IQSEC1: variants seen among roughly 807,000 people sequenced by gnomAD.
IQSEC1 encodes IQ motif and SEC7 domain-containing protein 1.
Under a neutral mutation model 91.0 loss-of-function variants are expected in IQSEC1, and 31 were observed. The observed-to-expected ratio is 0.34, with a 90% confidence interval of 0.26 to 0.46. The LOEUF (loss-of-function observed/expected upper bound fraction) is 0.46. Ranked by LOEUF, IQSEC1 falls within the 20% of genes least tolerant of loss-of-function variation. The pLI, the probability that IQSEC1 is intolerant of heterozygous loss-of-function variation, is 1.00. For synonymous variants in IQSEC1, 699 were observed against 662.6 expected (o/e 1.05, Z -0.84); for missense variants, 1,388 against 1,575.6 (o/e 0.88, Z 2.02).
intron 1 of IQSEC1, among the ~76,000 whole-genome samples, chr3:12,971,028 C>T (rs1700865915): frequency 6.6e-6 from 1 of 152,220 alleles, no homozygotes; most frequent in African/African-American, 2.4e-5. Context: ...TTTATTGGAA[C>T]AGAGCCACGC....
chr3:13,053,945 T>C (rs1704786421), intron 1 of IQSEC1, among the ~76,000 whole-genome samples: 1 of 152,256 alleles, frequency 6.6e-6, no homozygotes, highest in African/African-American at 2.4e-5. Context: ...GGAGACTTTC[T>C]GGCTGTGCCT....
intron 5 of IQSEC1, 102 bp from the exon 6 acceptor site, chr3:12,920,698 G>T: frequency 8.0e-7 from 1 of 1,253,248 alleles, no homozygotes; most frequent in Non-Finnish European, 1.1e-6. Context: ...CTCAGCTCCT[G>T]CTTCTGGTGA....
intron 1 of IQSEC1, among the ~76,000 whole-genome samples, chr3:12,943,934 C>CGGGGTCA (rs1262309181): frequency 6.6e-6 from 1 of 152,192 alleles, no homozygotes; most frequent in Non-Finnish European, 1.5e-5. Context: ...CTCTGGCCTC[C>CGGGGTCA]GGGGTCAGGC....
At chr3:13,083,138 C>T (rs1705675086) in intron 2 of IQSEC1, among the ~76,000 whole-genome samples, 1 of 152,226 alleles carries the variant, frequency 6.6e-6, no homozygotes, top group African/African-American at 2.4e-5. Flanking sequence ...TGCTTTATCC[C>T]CTGTGCCTGA....
intron 1 of IQSEC1, among the ~76,000 whole-genome samples, chr3:13,184,299 G>C (rs571524759): frequency 6.6e-6 from 1 of 152,270 alleles, no homozygotes; most frequent in South Asian, 2.1e-4. Flanking sequence ...AATGAAGCTG[G>C]TCAGCATTGG....
chr3:13,052,924 C>G, intron 1 of IQSEC1: 1 of 898,302 alleles, frequency 1.1e-6, no homozygotes, highest in Non-Finnish European at 1.8e-6. Flanking sequence ...TGATTGTGAC[C>G]TTGAGACAGC....
chr3:13,251,158 G>T (rs1695188500), intron 1 of IQSEC1, among the ~76,000 whole-genome samples: 1 of 152,210 alleles, frequency 6.6e-6, no homozygotes, highest in Admixed American at 6.5e-5. Context: ...CCCTGGGCCA[G>T]GCTGGCTCTT....
At chr3:13,174,708 T>C (rs565792213) in intron 1 of IQSEC1, among the ~76,000 whole-genome samples, 79 of 152,178 alleles carry the variant, frequency 5.2e-4, no homozygotes, top group African/African-American at 1.8e-3. Flanking sequence ...GTCACCCCCA[T>C]GTCTGCCCTG....
chr3:12,982,503 G>C (rs1701514279), intron 1 of IQSEC1, among the ~76,000 whole-genome samples: 1 of 152,144 alleles, frequency 6.6e-6, no homozygotes, highest in South Asian at 2.1e-4. Context: ...TTATTTAAAT[G>C]GTTTGAACTC....
chr3:13,148,577 T>C (rs1408749682), intron 2 of IQSEC1, among the ~76,000 whole-genome samples: 1 of 152,220 alleles, frequency 6.6e-6, no homozygotes, highest in Non-Finnish European at 1.5e-5. Flanking sequence ...TGGTATGAAA[T>C]GGGATTTGGC....
At chr3:12,951,976 A>T (rs181481486) in intron 1 of IQSEC1, among the ~76,000 whole-genome samples, 4 of 152,226 alleles carry the variant, frequency 2.6e-5, no homozygotes, top group African/African-American at 9.6e-5. Context: ...AAAGATTTAG[A>T]GCGAGAGTCT....
chr3:13,092,986 C>T (rs1041664919), intron 2 of IQSEC1, among the ~76,000 whole-genome samples: 1 of 152,088 alleles, frequency 6.6e-6, no homozygotes, highest in Non-Finnish European at 1.5e-5. Flanking sequence ...CCCCAGCACC[C>T]AGGCACAAGC....
At chr3:13,090,022 T>C (rs1035730596) in intron 2 of IQSEC1, among the ~76,000 whole-genome samples, 1 of 152,162 alleles carries the variant, frequency 6.6e-6, no homozygotes, top group African/African-American at 2.4e-5. Flanking sequence ...CAGACCATCC[T>C]GGCTAACACG....
chr3:12,920,664 T>C, intron 5 of IQSEC1, 68 bp from the exon 6 acceptor site: 1 of 1,520,614 alleles, frequency 6.6e-7, no homozygotes, highest in Non-Finnish European at 9.1e-7. Context: ...TCTCACCCGC[T>C]GAGGCTGTCA....
At chr3:13,264,817 C>A (rs955706175) in intron 1 of IQSEC1, among the ~76,000 whole-genome samples, 2 of 151,252 alleles carry the variant, frequency 1.3e-5, no homozygotes, top group African/African-American at 4.9e-5. Context: ...CTCACTCTAT[C>A]CCTCTGGTTC....
intron 2 of IQSEC1, among the ~76,000 whole-genome samples, chr3:13,150,472 C>T (rs9870333): frequency 5.3e-5 from 8 of 152,174 alleles, no homozygotes; most frequent in Non-Finnish European, 7.3e-5. Context: ...TTGGACCATG[C>T]GTGAGGTGGC....
chr3:13,137,487 T>C (rs761699613), intron 2 of IQSEC1, among the ~76,000 whole-genome samples: 4 of 152,180 alleles, frequency 2.6e-5, no homozygotes, highest in African/African-American at 7.2e-5. Flanking sequence ...TGAAACACTA[T>C]ATCATCTCAA....
chr3:13,251,034 G>C (rs997778843), intron 1 of IQSEC1, among the ~76,000 whole-genome samples: 6 of 152,172 alleles, frequency 3.9e-5, no homozygotes, highest in African/African-American at 1.4e-4. Context: ...CTTGACTTCT[G>C]AGTCCTCACC....
chr3:12,925,766 T>C (rs1316382030), intron 3 of IQSEC1, among the ~76,000 whole-genome samples: 1 of 152,182 alleles, frequency 6.6e-6, no homozygotes, highest in Non-Finnish European at 1.5e-5. Context: ...CGTGGGCTGA[T>C]GGGGCCTAGC....
Sources: gnomAD v4.1 joint callset for allele counts (sites outside exome capture counted in the v4.1 genomes callset) on GRCh38, gnomAD v4.1.1 for gene constraint, MANE v1.5 for transcripts, NCBI Gene and HGNC (gene_info 2026-07-23, HGNC 2026-07-21) for gene names.